The following RSRC1 variants were observed in gnomAD, a reference collection of about 807,000 sequenced individuals.
RSRC1 encodes the protein arginine and serine rich coiled-coil 1, also known as serine/Arginine-related protein 53.
In RSRC1, 39 loss-of-function variants were observed where a neutral mutation model predicts 49.1. That is an observed-to-expected ratio of 0.79 (90% confidence interval 0.61 to 1.04). The LOEUF is 1.04. Among genes scored for constraint, RSRC1 ranks in the 50% least tolerant of loss-of-function variants. The pLI is 0.00. For synonymous variants in RSRC1, 143 were observed against 130.8 expected, an observed-to-expected ratio of 1.09 and a Z score of -0.63; for missense variants, 388 against 402.4, an observed-to-expected ratio of 0.96 and a Z score of 0.31.
intron 4 of RSRC1, among the ~76,000 whole-genome samples, chr3:158,213,583 G>C (rs1721803509): frequency 6.6e-6 from 1 of 151,882 alleles, no homozygotes; most frequent in Admixed American, 6.6e-5. Flanking sequence ...ATACAACAAT[G>C]AGTACTGCTG....
intron 3 of RSRC1, among the ~76,000 whole-genome samples, chr3:158,124,244 C>T (rs558557667): frequency 1.3e-5 from 2 of 152,236 alleles, no homozygotes; most frequent in South Asian, 4.1e-4. Flanking sequence ...CGTGGCTTCT[C>T]ATTGTCCAGT....
At chr3:158,146,511 T>C (rs1717127765) in intron 3 of RSRC1, among the ~76,000 whole-genome samples, 1 of 152,204 alleles carries the variant, frequency 6.6e-6, no homozygotes, top group Non-Finnish European at 1.5e-5. Context: ...CTTTTTGATG[T>C]GCTGCTGGGT....
intron 2 of RSRC1, 97 bp downstream of exon 2, chr3:158,122,395 T>G (rs1222511485): frequency 3.3e-6 from 3 of 915,022 alleles, no homozygotes; most frequent in Non-Finnish European, 4.7e-6. Flanking sequence ...AACATTTTTC[T>G]TTTACTAGCT....
intron 3 of RSRC1, among the ~76,000 whole-genome samples, chr3:158,172,537 C>T (rs1448428287): frequency 6.6e-6 from 1 of 152,134 alleles, no homozygotes; most frequent in Non-Finnish European, 1.5e-5. Context: ...AGTAGCACAT[C>T]TCTCCTCCAA....
At chr3:158,305,165 T>A (rs1283094868) in intron 5 of RSRC1, among the ~76,000 whole-genome samples, 1 of 152,002 alleles carries the variant, frequency 6.6e-6, no homozygotes, top group Non-Finnish European at 1.5e-5. Context: ...CCCCAATCCC[T>A]CCTTTCACCC....
Position 158,379,814 on chromosome 3 carries a change from G to GCACACACATACACA in RSRC1, c.583+24914_583+24915insTACACACACACACA, listed in dbSNP as rs1553796315. On this transcript the variant is annotated intron_variant, in intron 6 of 9. Transcript: ENST00000611884. ...CACATACATACAAACACACGCGCAT[G>GCACACACATACACA]CACACACACACACACACACACACCC... Among the ~76,000 whole-genome samples the GCACACACATACACA allele has an allele frequency of 4.3e-3, 628 of 147,006 alleles. 12 individuals carry two copies. The South Asian group carries it at 0.047, about 11-fold the overall frequency.
intron 5 of RSRC1, among the ~76,000 whole-genome samples, 188 bp downstream of exon 5, chr3:158,298,263 A>T (rs1227813472): frequency 2.0e-5 from 3 of 152,032 alleles, no homozygotes; most frequent in African/African-American, 7.2e-5. Context: ...GAATTTAAAA[A>T]TTTTTTAAAT....
intron 5 of RSRC1, among the ~76,000 whole-genome samples, chr3:158,302,430 T>C (rs1223457141): frequency 1.3e-5 from 2 of 152,046 alleles, no homozygotes; most frequent in Non-Finnish European, 2.9e-5. Context: ...CTTAAGAAAA[T>C]AATTTTTTTA....
intron 7 of RSRC1, among the ~76,000 whole-genome samples, chr3:158,462,710 T>C (rs900889661): frequency 6.6e-6 from 1 of 152,072 alleles, no homozygotes; most frequent in African/African-American, 2.4e-5. Flanking sequence ...TTAAATTAGC[T>C]CTAAGCATCT....
intron 3 of RSRC1, among the ~76,000 whole-genome samples, chr3:158,127,258 G>A (rs1233783856): frequency 6.6e-6 from 1 of 152,022 alleles, no homozygotes; most frequent in Non-Finnish European, 1.5e-5. Flanking sequence ...TAACTCCACA[G>A]TAAACTCTCT....
chr3:158,419,529 C>A (rs2108334833), intron 6 of RSRC1, among the ~76,000 whole-genome samples: 1 of 152,060 alleles, frequency 6.6e-6, no homozygotes, highest in African/African-American at 2.4e-5. Context: ...CTAAGCAGAA[C>A]ACTTAACCTA....
At chr3:158,289,318 A>G (rs1487454284) in intron 4 of RSRC1, among the ~76,000 whole-genome samples, 1 of 152,194 alleles carries the variant, frequency 6.6e-6, no homozygotes, top group Non-Finnish European at 1.5e-5. Flanking sequence ...TAACTGATCC[A>G]TACCAGCTTA....
intron 1 of RSRC1, among the ~76,000 whole-genome samples, chr3:158,118,464 C>T (rs10451872): frequency 0.05 from 2,239 of 44,624 alleles, 50 homozygotes; most frequent in African/African-American, 0.065. Context: ...TGTGTGTGTG[C>T]GCGTGCGCGT....
intron 4 of RSRC1, among the ~76,000 whole-genome samples, chr3:158,211,919 T>A (rs1724666): frequency 0.65 from 98,332 of 151,666 alleles, 32,177 homozygotes; most frequent in East Asian, 0.84. Flanking sequence ...TTGTGTCTTT[T>A]TAAAGGTTGT....
chr3:158,299,258 G>A (rs1727400224), intron 5 of RSRC1, among the ~76,000 whole-genome samples: 1 of 152,026 alleles, frequency 6.6e-6, no homozygotes, highest in African/African-American at 2.4e-5. Context: ...TATCAGTTAG[G>A]GGCTTACAAC....
At chr3:158,381,112 A>G (rs1273129350) in intron 6 of RSRC1, among the ~76,000 whole-genome samples, 1 of 152,216 alleles carries the variant, frequency 6.6e-6, no homozygotes, top group African/African-American at 2.4e-5. Context: ...ATTTACCACT[A>G]TAAAATATAT....
At chr3:158,501,124 TC>T (rs1739571972) in intron 7 of RSRC1, among the ~76,000 whole-genome samples, 1 of 152,236 alleles carries the variant, frequency 6.6e-6, no homozygotes, top group African/African-American at 2.4e-5. Flanking sequence ...GATCCAATGC[TC>T]ATTCAGGAGC....
At chr3:158,262,572 A>G (rs1724962184) in intron 4 of RSRC1, among the ~76,000 whole-genome samples, 1 of 152,154 alleles carries the variant, frequency 6.6e-6, no homozygotes, top group African/African-American at 2.4e-5. Context: ...CACAAATTTT[A>G]TAATCATCTT....
chr3:158,179,207 C>G (rs1340008908), intron 3 of RSRC1, among the ~76,000 whole-genome samples: 1 of 152,108 alleles, frequency 6.6e-6, no homozygotes, highest in Non-Finnish European at 1.5e-5. Context: ...GTTGTGGATT[C>G]ACATGCAGGT....
Sources: allele counts gnomAD v4.1 joint callset (sites outside exome capture counted in the v4.1 genomes callset), GRCh38; gene constraint gnomAD v4.1.1; transcripts MANE v1.5; gene names NCBI Gene and HGNC (gene_info 2026-07-23, HGNC 2026-07-21).